The following TMCC3 variants were observed in gnomAD, a reference collection of about 807,000 sequenced individuals.
TMCC3 encodes transmembrane and coiled-coil domain protein 3.
A neutral mutation model predicts 40.2 loss-of-function variants in TMCC3; 28 were observed. The observed-to-expected ratio is 0.70, with a 90% CI of 0.52 to 0.95. TMCC3 has a LOEUF of 0.95. Among genes scored for constraint, TMCC3 ranks in the 40% least tolerant of loss-of-function variants. The pLI, the probability that TMCC3 is intolerant of heterozygous loss-of-function variation, is 0.00. For missense variants in TMCC3, 554 were observed against 615.2 expected (o/e 0.90, Z 1.05); for synonymous variants, 255 against 248.5 (o/e 1.03, Z -0.25).
chr12:94,647,164 T>C (rs952147707), intron 1 of TMCC3, among the ~76,000 whole-genome samples: 3 of 152,168 alleles, frequency 2.0e-5, no homozygotes, highest in Non-Finnish European at 4.4e-5. Context: ...GATATGTGCA[T>C]CAAGTTAACA....
At chr12:94,622,775 G>A (rs1314031539) in intron 1 of TMCC3, among the ~76,000 whole-genome samples, 1 of 150,254 alleles carries the variant, frequency 6.7e-6, no homozygotes, top group Non-Finnish European at 1.5e-5. Flanking sequence ...TGACTTCCCT[G>A]CAGATATAAA....
In TMCC3 at chr12:94,593,391, A is replaced by AAAGAAGAAAGAAGAAGAAAG. The variant is rs796677101; in HGVS notation, c.79-10854_79-10853insCTTTCTTCTTCTTTCTTCTT. Among the ~76,000 whole-genome samples, 2 of 62,732 alleles carry AAAGAAGAAAGAAGAAGAAAG rather than the reference A, an allele frequency of 3.2e-5. 1 individual carries two copies. The highest frequency in any genetic ancestry group is 7.9e-4 in the East Asian group (2 of 2,520). 41.2% of individuals were successfully genotyped at this position (62,732 alleles called of 152,430 possible). A position where few individuals can be genotyped will look rare whatever the true frequency, so the allele number is the denominator to read the frequency against. On this transcript the variant is annotated intron_variant, in intron 1 of 3. Coordinates refer to ENST00000261226, the MANE Select transcript of TMCC3 (RefSeq NM_020698.4). ...AAAAAAAGAAAAGAAAAGAAAGAAGAAAGAAGAAAGAAGAAGAAGGAAGAA... is the reference window on the plus strand; with the variant it reads ...AAAAAAAGAAAAGAAAAGAAAGAAGAAAGAAGAAAGAAGAAGAAAGAAGAAGAAAGAAGAAGAAGGAAGAA...
chr12:94,610,559 TACCACCACC>T (rs374032691), intron 1 of TMCC3, among the ~76,000 whole-genome samples: 1 of 151,996 alleles, frequency 6.6e-6, no homozygotes, highest in Non-Finnish European at 1.5e-5. Flanking sequence ...CTGCCACCCC[TACCACCACC>T]ACCACCACCA....
chr12:94,622,038 C>A (rs1390432840), intron 1 of TMCC3, among the ~76,000 whole-genome samples: 1 of 152,164 alleles, frequency 6.6e-6, no homozygotes, highest in African/African-American at 2.4e-5. Context: ...CCAGGTGAAG[C>A]GGGAACACAG....
intron 2 of TMCC3, among the ~76,000 whole-genome samples, chr12:94,581,250 T>C (rs1326127646): frequency 6.6e-6 from 1 of 152,224 alleles, no homozygotes; most frequent in African/African-American, 2.4e-5. Flanking sequence ...GCCTCAAGTT[T>C]GTGTTAAGTA....
intron 2 of TMCC3, among the ~76,000 whole-genome samples, chr12:94,581,022 C>A (rs1426420456): frequency 2.0e-5 from 3 of 152,166 alleles, no homozygotes; most frequent in Non-Finnish European, 4.4e-5. Context: ...AACTTAGAAT[C>A]ATGAAGGATG....
chr12:94,650,314 C>T (rs2069048976), intron 1 of TMCC3, 39 bp downstream of exon 1: 48 of 1,214,530 alleles, frequency 4.0e-5, no homozygotes, highest in Non-Finnish European at 4.8e-5. Context: ...CGCCCCCGGG[C>T]CCGCGCGCAC....
intron 1 of TMCC3, among the ~76,000 whole-genome samples, chr12:94,630,229 T>C (rs535511466): frequency 1.4e-5 from 2 of 148,004 alleles, no homozygotes; most frequent in Admixed American, 6.8e-5. Flanking sequence ...CACTCCAGCC[T>C]GGGTGATAGA....
chr12:94,592,229 T>C (rs1426908114), intron 1 of TMCC3, among the ~76,000 whole-genome samples: 1 of 152,140 alleles, frequency 6.6e-6, no homozygotes, highest in Non-Finnish European at 1.5e-5. Flanking sequence ...TTTAAATAAG[T>C]GCACCGTGTA....
intron 1 of TMCC3, among the ~76,000 whole-genome samples, chr12:94,602,284 A>G (rs2068757584): frequency 6.6e-6 from 1 of 152,224 alleles, no homozygotes; most frequent in Non-Finnish European, 1.5e-5. Context: ...TTGGTTTTTT[A>G]GTTGCAGAGA....
At position 94,619,496 on chromosome 12, in the gene TMCC3, T is replaced by C. The variant is rs78441317; in HGVS notation, c.78+30857A>G. ...TGTCATTCCTCCAGGCAGAGGCCCC[T>C]GAGTTTCCTGTGGTTAGTAGACATG... is the stretch of plus-strand genomic sequence containing the variant. On this transcript the variant is annotated intron_variant, in intron 1 of 3. Coordinates refer to ENST00000261226, the MANE Select transcript of TMCC3 (RefSeq NM_020698.4). 3.6e-4 allele frequency among the ~76,000 whole-genome samples: 55 copies of C among 152,346 alleles called. 1 individual carries two copies. The East Asian group carries it at 8.1e-3, about 22-fold the overall frequency.
chr12:94,595,439 G>T (rs74656310), intron 1 of TMCC3, among the ~76,000 whole-genome samples: 6,886 of 152,256 alleles, frequency 0.045, 187 homozygotes, highest in East Asian at 0.093. Flanking sequence ...CATGTCCTTT[G>T]AAAAGTTGCT....
At chr12:94,596,191 G>A (rs1489270148) in intron 1 of TMCC3, among the ~76,000 whole-genome samples, 1 of 152,160 alleles carries the variant, frequency 6.6e-6, no homozygotes, top group African/African-American at 2.4e-5. Context: ...ATAGCCCCTA[G>A]GGTAAGGCTG....
intron 1 of TMCC3, among the ~76,000 whole-genome samples, chr12:94,607,575 C>T (rs546193550): frequency 3.3e-5 from 5 of 152,226 alleles, no homozygotes; most frequent in East Asian, 3.9e-4. Flanking sequence ...ATTCGGGGTC[C>T]CTGACTTCCC....
intron 3 of TMCC3, 55 bp from the exon 4 acceptor site, chr12:94,571,792 G>T: frequency 6.4e-7 from 1 of 1,567,272 alleles, no homozygotes; most frequent in East Asian, 2.2e-5. Flanking sequence ...TGAGCAACAC[G>T]TGAGTGCTCG....
chr12:94,610,751 C>T (rs1649595104), intron 1 of TMCC3, among the ~76,000 whole-genome samples: 1 of 152,118 alleles, frequency 6.6e-6, no homozygotes, highest in African/African-American at 2.4e-5. Flanking sequence ...AAAAGCAAGA[C>T]GCAGGGCTAT....
intron 1 of TMCC3, chr12:94,644,530 T>C (rs2069007957): frequency 1.7e-6 from 1 of 593,074 alleles, no homozygotes; most frequent in African/African-American, 2.0e-5. Flanking sequence ...CGGCAGTTCC[T>C]TCTCCTCTAA....
chr12:94,633,317 G>T (rs2138878123), intron 1 of TMCC3, among the ~76,000 whole-genome samples: 1 of 152,186 alleles, frequency 6.6e-6, no homozygotes, highest in East Asian at 1.9e-4. Flanking sequence ...AGAGAGAAAG[G>T]CATCTAGATA....
chr12:94,598,374 C>A (rs879500346), intron 1 of TMCC3, among the ~76,000 whole-genome samples: 33 of 4,910 alleles, frequency 6.7e-3, no homozygotes, highest in African/African-American at 0.014. Context: ...CATTGTGCTA[C>A]CATTAAATAT....
Sources: gnomAD v4.1 joint callset for allele counts (sites outside exome capture counted in the v4.1 genomes callset) on GRCh38, gnomAD v4.1.1 for gene constraint, MANE v1.5 for transcripts, NCBI Gene and HGNC (gene_info 2026-07-23, HGNC 2026-07-21) for gene names.